PCDH9: variants seen among roughly 807,000 people sequenced by gnomAD.
PCDH9 encodes protocadherin-9.
Under a neutral mutation model 70.6 loss-of-function variants are expected in PCDH9, and 24 were observed. The observed-to-expected ratio is 0.34, with a 90% CI of 0.25 to 0.48. The LOEUF is 0.48. PCDH9 is among the 20% of genes least tolerant of loss of function. The pLI, the probability that PCDH9 is intolerant of heterozygous loss-of-function variation, is 0.99. For missense variants in PCDH9, 1,281 were observed against 1,503.6 expected (o/e 0.85, Z 2.45); for synonymous variants, 562 against 558.5 (o/e 1.01, Z -0.09).
intron 4 of PCDH9, among the ~76,000 whole-genome samples, chr13:66,630,017 G>T (rs1232179978): frequency 2.6e-5 from 4 of 152,078 alleles, no homozygotes; most frequent in Admixed American, 2.0e-4. Context: ...AAATGCCAGA[G>T]ATATTTTCAT....
intron 4 of PCDH9, among the ~76,000 whole-genome samples, chr13:66,576,937 TA>T (rs1216607671): frequency 2.6e-5 from 4 of 152,138 alleles, no homozygotes; most frequent in South Asian, 2.1e-4. Context: ...AAATTTACAC[TA>T]AAAAACTATA....
At chr13:66,892,820 C>A (rs991777166) in intron 3 of PCDH9, among the ~76,000 whole-genome samples, 1 of 151,944 alleles carries the variant, frequency 6.6e-6, no homozygotes, top group African/African-American at 2.4e-5. Flanking sequence ...TCAAAAAATA[C>A]CTTTACGTCT....
Position 67,225,233 on chromosome 13 carries a change from T to C in PCDH9, c.3036+172A>G. ...CAGAACTCAGAAATTTCAAAGCTGT[T>C]CTAAAAATTCTTGACTGAGCCCCAG... On this transcript the variant is annotated intron_variant, in intron 2 of 4. Coordinates refer to ENST00000377865, the MANE Select transcript of PCDH9 (RefSeq NM_203487.3). 4.6e-6 allele frequency: 6 copies of C among 1,308,554 alleles called. No individual in the cohort carries two copies. In the East Asian group the frequency reaches 7.8e-5, roughly 17 times the overall value. 81.1% of individuals were successfully genotyped at this position (1,308,554 alleles called of 1,614,324 possible). A position where few individuals can be genotyped will look rare whatever the true frequency, so the allele number is the denominator to read the frequency against.
At chr13:66,409,344 T>C (rs1206406847) in intron 4 of PCDH9, among the ~76,000 whole-genome samples, 1 of 152,204 alleles carries the variant, frequency 6.6e-6, no homozygotes, top group Admixed American at 6.5e-5. Flanking sequence ...GATTTTGAAA[T>C]ACAGCAAATA....
chr13:67,086,813 A>G (rs1183309502), intron 2 of PCDH9, among the ~76,000 whole-genome samples: 1 of 152,174 alleles, frequency 6.6e-6, no homozygotes, highest in Non-Finnish European at 1.5e-5. Context: ...AAAACTGCAA[A>G]TGATAAAATG....
chr13:66,347,467 G>A (rs1278085026), intron 4 of PCDH9, among the ~76,000 whole-genome samples: 1 of 151,044 alleles, frequency 6.6e-6, no homozygotes, highest in Non-Finnish European at 1.5e-5. Context: ...CTATCACTCG[G>A]AAAAAAAACA....
In PCDH9 at chr13:66,382,050, C is replaced by T. The variant is rs891159204; in HGVS notation, c.3341-77022G>A. On this transcript the variant is annotated intron_variant, in intron 4 of 4. Transcript: ENST00000377865. ...TGTAAAGAGTACAGGTTAGACGTTC[C>T]AATGATTTATTCTACAAAGAAGTTG... Among the ~76,000 whole-genome samples, 3 of 151,514 alleles carry T rather than the reference C, an allele frequency of 2.0e-5. No individual in the cohort carries two copies. In the South Asian group the frequency reaches 6.3e-4, roughly 32 times the overall value.
intron 4 of PCDH9, among the ~76,000 whole-genome samples, chr13:66,454,527 T>C (rs565452605): frequency 1.3e-5 from 2 of 152,318 alleles, no homozygotes; most frequent in Admixed American, 1.3e-4. Flanking sequence ...TAGCCAATGA[T>C]ATCCTATGTA....
intron 2 of PCDH9, among the ~76,000 whole-genome samples, chr13:66,923,533 A>G (rs1248645464): frequency 1.3e-5 from 2 of 151,724 alleles, no homozygotes; most frequent in Non-Finnish European, 3.0e-5. Context: ...ATCATAGGTA[A>G]CATTGATAAC....
intron 4 of PCDH9, among the ~76,000 whole-genome samples, chr13:66,582,354 C>T (rs2095618): frequency 0.3 from 46,310 of 152,000 alleles, 7,190 homozygotes; most frequent in Middle Eastern, 0.35. Flanking sequence ...AAAGATAAAA[C>T]AATGTCGGGC....
chr13:67,124,952 A>G (rs887505159), intron 2 of PCDH9, among the ~76,000 whole-genome samples: 7 of 152,190 alleles, frequency 4.6e-5, no homozygotes, highest in African/African-American at 1.7e-4. Flanking sequence ...TTTTTAAGTT[A>G]ACATAGCCTG....
chr13:66,437,230 A>G (rs1957884389), intron 4 of PCDH9, among the ~76,000 whole-genome samples: 1 of 151,626 alleles, frequency 6.6e-6, no homozygotes, highest in African/African-American at 2.4e-5. Context: ...ACACGGTGAA[A>G]CCCCGTCTCT....
At chr13:66,346,600 C>A (rs1956216439) in intron 4 of PCDH9, among the ~76,000 whole-genome samples, 1 of 152,158 alleles carries the variant, frequency 6.6e-6, no homozygotes, top group African/African-American at 2.4e-5. Flanking sequence ...TCCTGCAATA[C>A]CCCCATTCTA....
Position 66,909,567 on chromosome 13 carries a change from A to G in PCDH9, c.3037-5962T>C, listed in dbSNP as rs373667671. Among the ~76,000 whole-genome samples the G allele has an allele frequency of 6.4e-3, 977 of 152,240 alleles. 13 individuals are homozygous for G. The highest frequency in any genetic ancestry group is 0.022 in the African/African-American group (911 of 41,532). On this transcript the variant is annotated intron_variant, in intron 2 of 4. Transcript: ENST00000377865. ...GGCGGATCACGAGGTCAGGAGATGG[A>G]GACCATCCTGGCTAACATGGTGAAA...
intron 2 of PCDH9, among the ~76,000 whole-genome samples, chr13:67,184,967 G>A (rs1349329191): frequency 2.0e-5 from 3 of 151,950 alleles, no homozygotes; most frequent in Admixed American, 6.6e-5. Flanking sequence ...CAGAATCTCC[G>A]TACTACATAG....
chr13:67,225,594 A>T lies in PCDH9; in HGVS notation c.2847T>A (p.His949Gln). The T allele has an allele frequency of 6.2e-7, 1 of 1,614,128 alleles. No individual in the cohort carries two copies. Among genetic ancestry groups the T allele is most frequent in the Non-Finnish European group, 8.5e-7 (1 of 1,180,012 alleles). The change falls in exon 2 of 5, where the codon CAT (histidine) becomes CAA (glutamine). Residue 949 changes from histidine to glutamine, a missense_variant. Around this residue, in one of 4 missense-constraint regions of PCDH9, gnomAD observed 207 missense variants for 191.8 expected, o/e 1.08. Transcript: ENST00000377865. ...YKSASPQPAF[H>Q]LKPDTPVSVK... ...CGGAAACTGGAGTGTCTGGTTTGAG[A>T]TGAAAAGCAGGCTGTGGAGAAGCAG...
intron 4 of PCDH9, among the ~76,000 whole-genome samples, chr13:66,401,188 C>T (rs1221943816): frequency 2.6e-5 from 4 of 152,086 alleles, no homozygotes; most frequent in Admixed American, 6.6e-5. Flanking sequence ...TGTGTGTCCC[C>T]ACCCAAATCT....
intron 3 of PCDH9, among the ~76,000 whole-genome samples, chr13:66,795,813 C>T (rs1377354381): frequency 6.6e-6 from 1 of 152,158 alleles, no homozygotes; most frequent in African/African-American, 2.4e-5. Flanking sequence ...TTTACTGTGG[C>T]TATAAAACAG....
chr13:66,903,654 T>G, intron 2 of PCDH9, 49 bp from the exon 3 acceptor site: 1 of 802,884 alleles, frequency 1.2e-6, no homozygotes, highest in Non-Finnish European at 2.2e-6. Context: ...ACATTTAGAG[T>G]GTCCATTGAG....
Sources: gnomAD v4.1 joint callset for allele counts (sites outside exome capture counted in the v4.1 genomes callset) on GRCh38, gnomAD v4.1.1 for gene constraint, gnomAD v4.1.1 regional missense constraint, MANE v1.5 for transcripts, NCBI Gene and HGNC (gene_info 2026-07-23, HGNC 2026-07-21) for gene names.